Variants in CACNA1B observed in about 807,000 individuals in gnomAD.
The protein encoded by CACNA1B is voltage-dependent N-type calcium channel subunit alpha-1B.
A neutral mutation model predicts 247.2 loss-of-function variants in CACNA1B; 70 were observed. The ratio of observed to expected loss-of-function variants is 0.28; its 90% confidence interval spans 0.23 to 0.35. The LOEUF is 0.35. Ranked by LOEUF, CACNA1B falls within the 10% of genes least tolerant of loss-of-function variation. CACNA1B has a pLI of 1.00. For synonymous variants in CACNA1B, 1,231 were observed against 1,294.4 expected, an observed-to-expected ratio of 0.95 and a Z score of 1.05; for missense variants, 2,367 against 3,197.4, an observed-to-expected ratio of 0.74 and a Z score of 6.26.
At chr9:137,983,206 G>C (rs1383768876) in intron 12 of CACNA1B, among the ~76,000 whole-genome samples, 1 of 152,226 alleles carries the variant, frequency 6.6e-6, no homozygotes, top group Non-Finnish European at 1.5e-5. Context: ...CTCAACATTT[G>C]AATTCTCCAC....
intron 15 of CACNA1B, among the ~76,000 whole-genome samples, chr9:137,989,595 G>C (rs1958408237): frequency 6.6e-6 from 1 of 152,208 alleles, no homozygotes; most frequent in Admixed American, 6.5e-5. Flanking sequence ...CAGATAGTCT[G>C]ATGGCCAACG....
At chr9:137,916,030 ATTTTTTT>A (rs571447142) in intron 5 of CACNA1B, among the ~76,000 whole-genome samples, 8 of 129,560 alleles carry the variant, frequency 6.2e-5, no homozygotes, top group Non-Finnish European at 9.8e-5. Context: ...TTGTTATACA[ATTTTTTT>A]TTTTTTTTTT....
At position 137,950,266 on chromosome 9, in the gene CACNA1B, ACT is replaced by A. The variant is rs531782636; in HGVS notation, c.967-2007_967-2006del. 5.7e-4 allele frequency among the ~76,000 whole-genome samples: 87 copies of A among 152,254 alleles called. 1 individual carries two copies. The highest frequency in any genetic ancestry group is 1.0e-3 in the Non-Finnish European group (71 of 68,010). ...CTTGTTCTCCACGTGATTTCTGCACACTGTGTGTGGGTGGGCGGCTTTGTGAC... is the reference window on the plus strand; with the variant it reads ...CTTGTTCTCCACGTGATTTCTGCACAGTGTGTGGGTGGGCGGCTTTGTGAC... On this transcript the variant is annotated intron_variant, in intron 6 of 46. Coordinates refer to ENST00000371372, the MANE Select transcript of CACNA1B (RefSeq NM_000718.4). The surrounding 1 kb of genome is among the most constrained non-coding windows in gnomAD (Gnocchi z 4.8).
rs571447142 is a variant in CACNA1B at position 137,916,030 on chromosome 9, ATT to A, written c.776-1192_776-1191del. On this transcript the variant is annotated intron_variant, in intron 5 of 46. Transcript: ENST00000371372. ...AGATATTTTCATGTGTTGTTATACAATTTTTTTTTTTTTTTTTTTTGAGACGG... is the reference window on the plus strand; with the variant it reads ...AGATATTTTCATGTGTTGTTATACAATTTTTTTTTTTTTTTTTTGAGACGG... 7.4e-4 allele frequency among the ~76,000 whole-genome samples: 96 copies of A among 129,540 alleles called. 1 individual carries two copies. The highest frequency in any genetic ancestry group is 2.5e-3 in the African/African-American group (85 of 34,612). 85.0% of individuals were successfully genotyped at this position (129,540 alleles called of 152,430 possible).
chr9:137,884,688 G>T (rs1207932084), intron 3 of CACNA1B, among the ~76,000 whole-genome samples: 1 of 151,940 alleles, frequency 6.6e-6, no homozygotes, highest in Non-Finnish European at 1.5e-5. Context: ...GCTGGGGGGT[G>T]CGGGCCAGCG....
At position 138,085,903 on chromosome 9, in the gene CACNA1B, T is replaced by C. The variant is rs1187909205; in HGVS notation, c.5094+7645T>C. On this transcript the variant is annotated intron_variant, in intron 36 of 46. Transcript: ENST00000371372. ...GCCTTACAAGAAATACACAAGGGAG[T>C]CCTACATCTGGAAGCAAAGACATGA... Among the ~76,000 whole-genome samples the C allele has an allele frequency of 1.3e-5, 2 of 150,608 alleles. 1 individual carries two copies. Among genetic ancestry groups the C allele is most frequent in the African/African-American group, 4.9e-5 (2 of 40,588 alleles).
rs1589127944 is a variant in CACNA1B at position 138,100,197 on chromosome 9, G to A, written c.5223-2514G>A. ...GATGGGAGGTGGGGCAGAGGGAAGA[G>A]GGAGGCCAGGTGGCTTCTGTCAGGC... On this transcript the variant is annotated intron_variant, in intron 37 of 46. Transcript: ENST00000371372. The surrounding 1 kb of genome is among the most constrained non-coding windows in gnomAD (Gnocchi z 4.6). 6.6e-6 allele frequency among the ~76,000 whole-genome samples: 1 copy of A among 152,184 alleles called. No homozygotes were observed. The highest frequency in any genetic ancestry group is 1.5e-5 in the Non-Finnish European group (1 of 68,020).
rs1564244023 is a variant in CACNA1B, at chr9:138,023,793, T to G, written c.3050T>G (p.Leu1017Arg). ...EIVEADKEKE[L>R]RNHQPREPHC... ...GTGGAAGCCGACAAGGAAAAGGAGC[T>G]CCGGAACCACCAGCCCCGGTGAGTC... Residue 1017 changes from leucine (L) to arginine (R), a missense_variant, in exon 19 of 47, where the codon CTC (leucine) becomes CGC (arginine). Coordinates refer to ENST00000371372, the MANE Select transcript of CACNA1B (RefSeq NM_000718.4). 2 of 1,447,808 alleles carry G rather than the reference T, an allele frequency of 1.4e-6. No individual in the cohort carries two copies. Among genetic ancestry groups the G allele is most frequent in the Non-Finnish European group, 1.9e-6 (2 of 1,054,634 alleles). 89.7% of individuals were successfully genotyped at this position (1,447,808 alleles called of 1,614,324 possible). A position where few individuals can be genotyped will look rare whatever the true frequency, so the allele number is the denominator to read the frequency against.
chr9:138,095,644 G>T (rs749649987), intron 36 of CACNA1B, among the ~76,000 whole-genome samples: 2 of 152,082 alleles, frequency 1.3e-5, no homozygotes, highest in African/African-American at 4.8e-5. Context: ...ATGAAAAGAT[G>T]TATCTGCATA....
At chr9:137,965,933 T>C (rs1405378104) in intron 10 of CACNA1B, among the ~76,000 whole-genome samples, 1 of 152,240 alleles carries the variant, frequency 6.6e-6, no homozygotes, top group Non-Finnish European at 1.5e-5. Context: ...CTTTTGTTTA[T>C]ATATTTAGTC....
chr9:138,082,600 A>G (rs1564277859), intron 36 of CACNA1B, among the ~76,000 whole-genome samples: 1 of 151,388 alleles, frequency 6.6e-6, no homozygotes, highest in African/African-American at 2.4e-5. Context: ...CACTAGGTAC[A>G]GAGAAGCCTC....
chr9:138,028,963 G>C (rs1184110155), intron 20 of CACNA1B, among the ~76,000 whole-genome samples: 1 of 152,172 alleles, frequency 6.6e-6, no homozygotes, highest in Non-Finnish European at 1.5e-5. Flanking sequence ...TTAGCCACTT[G>C]GGATCCATCT....
At position 138,058,034 on chromosome 9, in the gene CACNA1B, C is replaced by T. The variant is rs1944065769; in HGVS notation, c.4107-15C>T. 3.1e-6 allele frequency: 5 copies of T among 1,610,406 alleles called. No individual in the cohort carries two copies. Among genetic ancestry groups the T allele is most frequent in the Non-Finnish European group, 4.2e-6 (5 of 1,176,700 alleles). On this transcript the variant is annotated splice_polypyrimidine_tract_variant and intron_variant, in intron 27 of 46. Coordinates refer to ENST00000371372, the MANE Select transcript of CACNA1B (RefSeq NM_000718.4). The surrounding 1 kb of genome is among the most constrained non-coding windows in gnomAD (Gnocchi z 4.7). ...TTTGGGGGTTCCCCTGACACTTGCT[C>T]TCCTCTTTGCCCAGGGTGCTGAAAC...
chr9:138,043,434 G>C (rs576209185), intron 20 of CACNA1B, among the ~76,000 whole-genome samples: 1 of 152,210 alleles, frequency 6.6e-6, no homozygotes. Flanking sequence ...AGCAGAGGCA[G>C]TGGGAAGGTC....
chr9:138,081,929 G>T (rs181089945), intron 36 of CACNA1B, among the ~76,000 whole-genome samples: 2 of 151,224 alleles, frequency 1.3e-5, no homozygotes, highest in Admixed American at 6.6e-5. Context: ...GACACTCTTT[G>T]CTGGGAAAAC....
At chr9:138,040,456 A>G (rs1267959149) in intron 20 of CACNA1B, 2 of 168,200 alleles carry the variant, frequency 1.2e-5, no homozygotes, top group Admixed American at 6.2e-5. Flanking sequence ...TATATATCCT[A>G]TATATATATG....
rs1309648996 is a variant in CACNA1B, at chr9:138,052,280, A to T, written c.3807+92A>T. The T allele has an allele frequency of 1.7e-4, 105 of 624,818 alleles. No homozygotes were observed. Among genetic ancestry groups the T allele is most frequent in the Middle Eastern group, 7.5e-4 (2 of 2,654 alleles). The allele number at this position is 624,818 out of a possible 1,614,324, so 38.7% of individuals were successfully genotyped here. A position where few individuals can be genotyped will look rare whatever the true frequency, so the allele number is the denominator to read the frequency against. The stretch of plus-strand genomic sequence containing the variant: ...TGTGTGTGTATGCATGCAGTGCATG[A>T]GTGTGTGTGTGTTCACATCACACCC... On this transcript the variant is annotated intron_variant, in intron 25 of 46. Coordinates refer to ENST00000371372, the MANE Select transcript of CACNA1B (RefSeq NM_000718.4). This position sits in a 1 kb window ranked among gnomAD's most constrained non-coding sequence, Gnocchi z 5.1.
chr9:137,897,762 C>T (rs1045378251), intron 3 of CACNA1B, among the ~76,000 whole-genome samples: 2 of 151,724 alleles, frequency 1.3e-5, no homozygotes, highest in East Asian at 1.9e-4. Context: ...TCACTGCAAC[C>T]TCTGCCTCCT....
At chr9:137,951,019 C>A (rs1957871792) in intron 6 of CACNA1B, among the ~76,000 whole-genome samples, 1 of 152,184 alleles carries the variant, frequency 6.6e-6, no homozygotes, top group Non-Finnish European at 1.5e-5. Flanking sequence ...AGTGCTTGAG[C>A]AGGTGAGAGG....
Sources: gnomAD v4.1 joint callset for allele counts (sites outside exome capture counted in the v4.1 genomes callset) on GRCh38, gnomAD v4.1.1 for gene constraint, Gnocchi (gnomAD v3.1) non-coding constraint, MANE v1.5 for transcripts, NCBI Gene and HGNC (gene_info 2026-07-23, HGNC 2026-07-21) for gene names.